ABI3BP: variants seen among roughly 807,000 people sequenced by gnomAD.
ABI3BP encodes ABI family member 3 binding protein, also known as target of Nesh-SH3.
A neutral mutation model predicts 268.6 loss-of-function variants in ABI3BP; 216 were observed. The observed-to-expected ratio is 0.80, with a 90% confidence interval of 0.72 to 0.90. The LOEUF (loss-of-function observed/expected upper bound fraction) is 0.90, where lower values mean the gene tolerates loss of function less well. Ranked by LOEUF, ABI3BP falls within the 40% of genes least tolerant of loss-of-function variation. ABI3BP has a pLI of 0.00. For synonymous variants in ABI3BP, 730 were observed against 730.0 expected (o/e 1.00, Z 0.00); for missense variants, 2,090 against 2,182.4 (o/e 0.96, Z 0.84).
At chr3:100,815,994 A>G (rs1241518186) in intron 43 of ABI3BP, 23 bp from the exon 44 acceptor site, 3 of 1,483,626 alleles carry the variant, frequency 2.0e-6, no homozygotes, top group Non-Finnish European at 2.7e-6. Context: ...AACAACATGA[A>G]TACAAGAAAG....
chr3:100,880,579 G>A (rs2099217589), intron 6 of ABI3BP, among the ~76,000 whole-genome samples: 1 of 152,136 alleles, frequency 6.6e-6, no homozygotes, highest in African/African-American at 2.4e-5. Flanking sequence ...GGCGAAGCAT[G>A]CAGTTGGTGA....
chr3:100,987,354 G>C (rs1028984722), intron 1 of ABI3BP, among the ~76,000 whole-genome samples: 1 of 152,190 alleles, frequency 6.6e-6, no homozygotes, highest in African/African-American at 2.4e-5. Flanking sequence ...TCTATTTTCA[G>C]GTGTTCCCCT....
intron 1 of ABI3BP, among the ~76,000 whole-genome samples, chr3:100,939,227 G>T (rs1235515303): frequency 6.6e-6 from 1 of 152,102 alleles, no homozygotes; most frequent in Non-Finnish European, 1.5e-5. Flanking sequence ...CAGTGAACAT[G>T]TAGCTGCTCT....
intron 62 of ABI3BP, among the ~76,000 whole-genome samples, chr3:100,769,360 T>C (rs1023909088): frequency 6.6e-6 from 1 of 152,198 alleles, no homozygotes; most frequent in Non-Finnish European, 1.5e-5. Flanking sequence ...GTAACAGCAT[T>C]ACAAAAGCAG....
intron 51 of ABI3BP, among the ~76,000 whole-genome samples, chr3:100,801,077 C>A (rs1245462407): frequency 6.6e-6 from 1 of 151,852 alleles, no homozygotes; most frequent in South Asian, 2.1e-4. Context: ...AGCATGGAAC[C>A]AGGCAGATAA....
chr3:100,863,059 A>C, intron 12 of ABI3BP, 150 bp from the exon 13 acceptor site: 1 of 593,612 alleles, frequency 1.7e-6, no homozygotes, highest in Non-Finnish European at 2.9e-6. Context: ...TCTATGTTTC[A>C]ATGTTGAATA....
intron 2 of ABI3BP, among the ~76,000 whole-genome samples, chr3:100,924,399 C>T (rs937503811): frequency 6.6e-6 from 1 of 152,100 alleles, no homozygotes; most frequent in Non-Finnish European, 1.5e-5. Flanking sequence ...GATAAAAGCA[C>T]AGTGTTATTA....
intron 14 of ABI3BP, among the ~76,000 whole-genome samples, chr3:100,852,895 G>A (rs1450868027): frequency 6.6e-6 from 1 of 152,128 alleles, no homozygotes; most frequent in Non-Finnish European, 1.5e-5. Flanking sequence ...TCTCTTTCCT[G>A]TACAAACAGC....
intron 9 of ABI3BP, among the ~76,000 whole-genome samples, chr3:100,871,126 A>C (rs986978489): frequency 7.9e-5 from 12 of 152,130 alleles, no homozygotes; most frequent in African/African-American, 2.9e-4. Flanking sequence ...AAGAACTATA[A>C]TTATAATATT....
intron 1 of ABI3BP, among the ~76,000 whole-genome samples, chr3:100,946,412 T>C (rs2072338630): frequency 6.7e-6 from 1 of 149,618 alleles, no homozygotes; most frequent in African/African-American, 2.5e-5. Flanking sequence ...TTTGTTATAA[T>C]AATTATTGTG....
At chr3:100,871,008 A>G (rs1468661705) in intron 9 of ABI3BP, among the ~76,000 whole-genome samples, 2 of 152,176 alleles carry the variant, frequency 1.3e-5, no homozygotes, top group Non-Finnish European at 2.9e-5. Context: ...AGAGAATAAA[A>G]CTTTATGAGG....
intron 57 of ABI3BP, among the ~76,000 whole-genome samples, chr3:100,783,757 A>G (rs2150396286): frequency 6.6e-6 from 1 of 152,352 alleles, no homozygotes; most frequent in East Asian, 1.9e-4. Context: ...TGTACACAGT[A>G]CACATTGTAC....
rs1218416863 is a variant in ABI3BP, at chr3:100,750,364, TC to T, written c.*130del. ...CAGCAATCTTTTCTAATAATAAACA[TC>T]TAGTATTGCTATTAATTAGATTGTA... On this transcript the variant is annotated 3_prime_UTR_variant, in exon 68 of 68. Transcript: ENST00000471714. 1 of 594,962 alleles carries T rather than the reference TC, an allele frequency of 1.7e-6. No individual in the cohort carries two copies. Among genetic ancestry groups the T allele is most frequent in the African/African-American group, 1.9e-5 (1 of 52,140 alleles). The allele number at this position is 594,962 out of a possible 1,614,324, so 36.9% of individuals were successfully genotyped here. A position where few individuals can be genotyped will look rare whatever the true frequency, so the allele number is the denominator to read the frequency against.
In ABI3BP at chr3:100,864,594, T is replaced by C. The variant is rs148907214; in HGVS notation, c.1063+239A>G. The C allele has an allele frequency of 4.3e-5, 21 of 490,468 alleles. 1 individual carries two copies. In the East Asian group the frequency reaches 7.4e-4, roughly 17 times the overall value. 30.4% of individuals were successfully genotyped at this position (490,468 alleles called of 1,614,324 possible). ...GAGACTGGTTAAAAAGGGCATTTAG[T>C]TAGCAATTAGCATCCAGATTTGCCC... On this transcript the variant is annotated intron_variant, in intron 11 of 67. Transcript: ENST00000471714.
intron 7 of ABI3BP, 44 bp downstream of exon 7, chr3:100,876,468 T>C (rs372796184): frequency 2.5e-4 from 383 of 1,516,474 alleles, no homozygotes; most frequent in Non-Finnish European, 3.4e-4. Flanking sequence ...GCTAAAAGTA[T>C]GTTAAAGATT....
At position 100,778,215 on chromosome 3, in the gene ABI3BP, A is replaced by G. The variant is rs558618941; in HGVS notation, c.4333+69T>C. ...ATAGTGTGCCTGTTGCTAGCACGCC[A>G]AGAAGAGCTTATGTTGGCTAGTAAA... On this transcript the variant is annotated intron_variant, in intron 59 of 67. Coordinates refer to ENST00000471714, the MANE Select transcript of ABI3BP (RefSeq NM_001375547.2). 4 of 1,485,338 alleles carry G rather than the reference A, an allele frequency of 2.7e-6. No individual in the cohort carries two copies. The South Asian group carries it at 3.4e-5, about 13-fold the overall frequency. The allele number at this position is 1,485,338 out of a possible 1,614,324, so 92.0% of individuals were successfully genotyped here.
chr3:100,943,386 T>C (rs756419859), intron 1 of ABI3BP, among the ~76,000 whole-genome samples: 1 of 152,124 alleles, frequency 6.6e-6, no homozygotes, highest in African/African-American at 2.4e-5. Flanking sequence ...TAAAGTTTAA[T>C]ATTTATTTAT....
intron 2 of ABI3BP, chr3:100,911,832 T>G (rs1215634418): frequency 1.3e-5 from 21 of 1,594,990 alleles, no homozygotes; most frequent in Non-Finnish European, 1.7e-5. Flanking sequence ...CTCCTGCAAG[T>G]TTTTGTGAAG....
At chr3:100,810,581 AAAATTGCAAG>A (rs2097840445) in intron 48 of ABI3BP, 104 bp from the exon 49 acceptor site, 2 of 787,840 alleles carry the variant, frequency 2.5e-6, no homozygotes, top group African/African-American at 1.7e-5. Context: ...TAAAATAAAG[AAAATTGCAAG>A]TCTGCAGCAA....
Sources: allele counts gnomAD v4.1 joint callset (sites outside exome capture counted in the v4.1 genomes callset), GRCh38; gene constraint gnomAD v4.1.1; transcripts MANE v1.5; gene names NCBI Gene and HGNC (gene_info 2026-07-23, HGNC 2026-07-21).